Variants in LRRC43 observed in about 807,000 individuals in gnomAD.
LRRC43 encodes the protein leucine rich repeat containing 43.
A neutral mutation model predicts 64.3 loss-of-function variants in LRRC43; 62 were observed. The observed-to-expected ratio is 0.96, with a 90% CI of 0.79 to 1.19. LRRC43 has a LOEUF of 1.19. Ranked by LOEUF, LRRC43 falls within the 50% of genes most tolerant of loss-of-function variation. The probability of loss-of-function intolerance (pLI) is 0.00; values close to 1 mark genes in which losing one functional copy is unlikely to be tolerated. For synonymous variants in LRRC43, 422 were observed against 382.3 expected, an observed-to-expected ratio of 1.10 and a Z score of -1.21; for missense variants, 868 against 845.0, an observed-to-expected ratio of 1.03 and a Z score of -0.34.
chr12:122,187,897 C>T lies in LRRC43; in HGVS notation c.662+57C>T, dbSNP rs113299115. The T allele has an allele frequency of 8.3e-5, 130 of 1,570,200 alleles. No individual in the cohort carries two copies. The African/African-American group carries it at 1.4e-3, about 16-fold the overall frequency. The stretch of plus-strand genomic sequence containing the variant: ...GGAGGGATTAAGTATCAGGTTGGGG[C>T]GATTCTACCCCAGTGGCTTGAGAAC... On this transcript the variant is annotated intron_variant, in intron 4 of 11. Transcript: ENST00000339777.
At chr12:122,197,779 G>T (rs974729949) in intron 7 of LRRC43, among the ~76,000 whole-genome samples, 1 of 151,986 alleles carries the variant, frequency 6.6e-6, no homozygotes, top group Non-Finnish European at 1.5e-5. Context: ...TGAGGAAGAT[G>T]ACTGCAGTGG....
chr12:122,174,530 C>T (rs1953520034), intron 1 of LRRC43, among the ~76,000 whole-genome samples: 1 of 152,176 alleles, frequency 6.6e-6, no homozygotes, highest in South Asian at 2.1e-4. Context: ...CAGACACGAC[C>T]ATACCACCAA....
In LRRC43 at chr12:122,192,774, A is replaced by G; in HGVS notation, c.1119A>G (p.Leu373=). 6.2e-7 allele frequency: 1 copy of G among 1,614,058 alleles called. No homozygotes were observed. The highest frequency in any genetic ancestry group is 8.5e-7 in the Non-Finnish European group (1 of 1,179,944). ...EIVKPSPSLE[L]LVEESPEEVV... is the part of the protein sequence containing the mutation. Reference sequence around the variant, plus strand: ...TCAAGCCCTCTCCCAGCTTAGAATTATTAGTTGAGGAATCTCCTGAAGAGG... The same window carrying G: ...TCAAGCCCTCTCCCAGCTTAGAATTGTTAGTTGAGGAATCTCCTGAAGAGG... Residue 373 remains leucine (L), a synonymous_variant, in exon 7 of 12, where the codon TTA becomes TTG. Coordinates refer to ENST00000339777, the MANE Select transcript of LRRC43 (RefSeq NM_001098519.2).
intron 6 of LRRC43, among the ~76,000 whole-genome samples, 169 bp downstream of exon 6, chr12:122,191,736 C>T (rs1953721524): frequency 6.6e-6 from 1 of 151,786 alleles, no homozygotes; most frequent in Admixed American, 6.6e-5. Context: ...CTCACTGTAA[C>T]CTCTGCCTCC....
Position 122,200,667 on chromosome 12 carries a change from G to A in LRRC43, c.1620+7G>A. 3 of 1,613,760 alleles carry A rather than the reference G, an allele frequency of 1.9e-6. No individual in the cohort carries two copies. Among genetic ancestry groups the A allele is most frequent in the Non-Finnish European group, 2.5e-6 (3 of 1,179,924 alleles). ...AGAGAAAGAGCCGGCCAAGGTACCG[G>A]GCCTTGGTGCTGGGGAGGGCAGCCT... On this transcript the variant is annotated splice_region_variant and intron_variant, in intron 9 of 11. Transcript: ENST00000339777. The surrounding 1 kb of genome is among the most constrained non-coding windows in gnomAD (Gnocchi z 4.6).
chr12:122,198,982 ATT>A (rs11358088), intron 7 of LRRC43, among the ~76,000 whole-genome samples: 46 of 123,562 alleles, frequency 3.7e-4, no homozygotes, highest in East Asian at 6.9e-4. Context: ...TACTTTCACG[ATT>A]TTTTTTTTTT....
At chr12:122,194,954 T>C (rs531358073) in intron 7 of LRRC43, among the ~76,000 whole-genome samples, 2 of 152,372 alleles carry the variant, frequency 1.3e-5, no homozygotes, top group East Asian at 3.9e-4. Context: ...CTATACTGTC[T>C]TTTGTATTTG....
intron 7 of LRRC43, among the ~76,000 whole-genome samples, chr12:122,197,078 C>T (rs1399700209): frequency 6.6e-6 from 1 of 152,124 alleles, no homozygotes; most frequent in Non-Finnish European, 1.5e-5. Flanking sequence ...GCAAGTCCCT[C>T]CCCCAGTTCC....
chr12:122,194,372 G>T (rs183415846), intron 7 of LRRC43, among the ~76,000 whole-genome samples: 1 of 151,486 alleles, frequency 6.6e-6, no homozygotes, highest in Admixed American at 6.6e-5. Context: ...GTCGAGACCC[G>T]CCTGACCAAC....
intron 4 of LRRC43, among the ~76,000 whole-genome samples, chr12:122,188,213 T>C (rs1953669915): frequency 1.3e-5 from 2 of 152,098 alleles, no homozygotes; most frequent in South Asian, 4.1e-4. Context: ...TTCACGCCAT[T>C]CTCCTGCCTC....
At chr12:122,170,116 G>A (rs1953472398) in intron 1 of LRRC43, among the ~76,000 whole-genome samples, 1 of 152,040 alleles carries the variant, frequency 6.6e-6, no homozygotes, top group Admixed American at 6.6e-5. Context: ...CCAACTATTT[G>A]TTTATATCAA....
At chr12:122,173,917 A>G in intron 1 of LRRC43, 1 of 1,614,204 alleles carries the variant, frequency 6.2e-7, no homozygotes, top group African/African-American at 1.3e-5. Flanking sequence ...TGGTCGTAGT[A>G]AACGGACGGG....
At chr12:122,198,623 CTTTTTTTTTTT>C (rs1012460173) in intron 7 of LRRC43, among the ~76,000 whole-genome samples, 2 of 100,496 alleles carry the variant, frequency 2.0e-5, no homozygotes, top group African/African-American at 9.4e-5. Flanking sequence ...TGCTTCATTC[CTTTTTTTTTTT>C]TTTTTTTTTT....
intron 4 of LRRC43, 49 bp from the exon 5 acceptor site, chr12:122,190,081 C>T: frequency 6.6e-7 from 1 of 1,504,964 alleles, no homozygotes. Flanking sequence ...CTGCTTGCCC[C>T]CTGCTCACCT....
At chr12:122,195,871 A>T (rs55649545) in intron 7 of LRRC43, among the ~76,000 whole-genome samples, 1 of 152,006 alleles carries the variant, frequency 6.6e-6, no homozygotes, top group Admixed American at 6.6e-5. Flanking sequence ...CACTTCTATT[A>T]TGTGTTCTTC....
rs773930040 is a variant in LRRC43 at position 122,200,178 on chromosome 12, C to G, written c.1350-11C>G. ...TGACGGCACCCCCGTCTTCATCCCT[C>G]CCTCCCCAAGGACTGTCCTCTTCAG... On this transcript the variant is annotated splice_polypyrimidine_tract_variant and intron_variant, in intron 7 of 11. Transcript: ENST00000339777. This position sits in a 1 kb window ranked among gnomAD's most constrained non-coding sequence, Gnocchi z 4.6. 5 of 1,611,282 alleles carry G rather than the reference C, an allele frequency of 3.1e-6. No individual in the cohort carries two copies. The highest frequency in any genetic ancestry group is 4.2e-6 in the Non-Finnish European group (5 of 1,178,680).
In LRRC43 at chr12:122,191,400, C is replaced by T. The variant is rs780838259; in HGVS notation, c.922C>T (p.Gln308Ter). 6.2e-7 allele frequency: 1 copy of T among 1,612,390 alleles called. No homozygotes were observed. The highest frequency in any genetic ancestry group is 8.5e-7 in the Non-Finnish European group (1 of 1,179,342). Reference sequence around the variant, plus strand: ...TGCAGATCTCTTGGCACAGGAGGCGCAGTTTGTGGTGACCATCGGAAACAT... The same window carrying T: ...TGCAGATCTCTTGGCACAGGAGGCGTAGTTTGTGGTGACCATCGGAAACAT... ...LNGDLLAQEA[Q>*]FVVTIGNIRG... The change falls in exon 6 of 12, where the codon CAG (glutamine) becomes TAG (stop). Residue 308 changes from glutamine (Q) to a stop codon, truncating the protein, a stop_gained. Coordinates refer to ENST00000339777, the MANE Select transcript of LRRC43 (RefSeq NM_001098519.2). LOFTEE classifies it high-confidence loss of function.
intron 7 of LRRC43, among the ~76,000 whole-genome samples, chr12:122,196,314 T>G (rs1459078113): frequency 1.3e-5 from 2 of 152,258 alleles, no homozygotes; most frequent in Non-Finnish European, 2.9e-5. Flanking sequence ...TTATATTCCT[T>G]AGTTTACTTG....
intron 1 of LRRC43, among the ~76,000 whole-genome samples, chr12:122,168,396 G>A (rs1953458470): frequency 6.6e-6 from 1 of 150,930 alleles, no homozygotes; most frequent in African/African-American, 2.4e-5. Flanking sequence ...AGCCGAGATT[G>A]CATCATTGCA....
Sources: allele counts gnomAD v4.1 joint callset (sites outside exome capture counted in the v4.1 genomes callset), GRCh38; gene constraint gnomAD v4.1.1; non-coding constraint Gnocchi (gnomAD v3.1); transcripts MANE v1.5; gene names NCBI Gene and HGNC (gene_info 2026-07-23, HGNC 2026-07-21).